The following SFSWAP variants were observed in gnomAD, a reference collection of about 807,000 sequenced individuals.
SFSWAP encodes the protein splicing factor SWAP, also known as splicing factor, suppressor of white-apricot homolog.
In SFSWAP, 17 loss-of-function variants were observed where a neutral mutation model predicts 100.7. That is an observed-to-expected ratio of 0.17 (90% CI 0.12 to 0.25). The LOEUF (loss-of-function observed/expected upper bound fraction) is 0.25. Among genes scored for constraint, SFSWAP ranks in the 10% least tolerant of loss-of-function variants. SFSWAP has a pLI of 1.00. For missense variants in SFSWAP, 1,005 were observed against 1,262.6 expected, an observed-to-expected ratio of 0.80 and a Z score of 3.09; for synonymous variants, 504 against 510.1, an observed-to-expected ratio of 0.99 and a Z score of 0.16.
Position 131,714,035 on chromosome 12 carries a change from A to T in SFSWAP, c.219-36A>T. ...ACACACGCACACCAGTCTAGACGTT[A>T]ATTTCCTTTTATTGACCAGCTTGTT... On this transcript the variant is annotated intron_variant, in intron 1 of 17. Coordinates refer to ENST00000261674, the MANE Select transcript of SFSWAP (RefSeq NM_004592.4). This position sits in a 1 kb window ranked among gnomAD's most constrained non-coding sequence, Gnocchi z 6.0. 5.1e-6 allele frequency: 8 copies of T among 1,579,956 alleles called. No homozygotes were observed. Among genetic ancestry groups the T allele is most frequent in the Non-Finnish European group, 6.9e-6 (8 of 1,152,074 alleles).
chr12:131,758,739 G>A (rs765333690), intron 11 of SFSWAP, among the ~76,000 whole-genome samples: 1 of 152,194 alleles, frequency 6.6e-6, no homozygotes, highest in Non-Finnish European at 1.5e-5. Flanking sequence ...TTGAGTCCAG[G>A]AATTCGAGAC....
chr12:131,728,702 CTTTT>C (rs767892575), intron 7 of SFSWAP, among the ~76,000 whole-genome samples: 4 of 139,112 alleles, frequency 2.9e-5, no homozygotes, highest in Non-Finnish European at 4.7e-5. Context: ...GCCCTTCTTT[CTTTT>C]TTTTTTTTTT....
intron 4 of SFSWAP, among the ~76,000 whole-genome samples, chr12:131,724,945 G>GT (rs1878816137): frequency 6.6e-6 from 1 of 152,184 alleles, no homozygotes; most frequent in South Asian, 2.1e-4. Flanking sequence ...GGGCTGTTTT[G>GT]TAAGAGGGAG....
intron 11 of SFSWAP, chr12:131,757,205 C>G (rs184508614): frequency 6.5e-6 from 1 of 152,896 alleles, no homozygotes; most frequent in Non-Finnish European, 1.5e-5. Context: ...GGGCTCCCCC[C>G]GCGGGAGGGA....
At chr12:131,779,206 A>AGG (rs1566051422) in intron 14 of SFSWAP, among the ~76,000 whole-genome samples, 2 of 148,860 alleles carry the variant, frequency 1.3e-5, no homozygotes, top group South Asian at 2.1e-4. Context: ...AGCGCGGATG[A>AGG]GTGTGTGTGA....
intron 7 of SFSWAP, among the ~76,000 whole-genome samples, chr12:131,737,695 G>A (rs143625903): frequency 5.1e-4 from 77 of 152,098 alleles, no homozygotes; most frequent in African/African-American, 1.8e-3. Flanking sequence ...AATCACCTTA[G>A]GATATACTCA....
intron 9 of SFSWAP, among the ~76,000 whole-genome samples, chr12:131,754,880 G>A (rs1416786554): frequency 6.6e-6 from 1 of 151,988 alleles, no homozygotes; most frequent in Non-Finnish European, 1.5e-5. Context: ...TGATCCACTT[G>A]CCTCAGCCTC....
At chr12:131,765,334 G>A (rs1287208974) in intron 12 of SFSWAP, among the ~76,000 whole-genome samples, 1 of 152,204 alleles carries the variant, frequency 6.6e-6, no homozygotes, top group Non-Finnish European at 1.5e-5. Context: ...CACACATTCA[G>A]ATCAAGCAAC....
chr12:131,753,187 G>A lies in SFSWAP; in HGVS notation c.1146G>A (p.Pro382=), dbSNP rs148130572. ...CGGACGGCACTTACTGCCTGGCGCC[G>A]CCCCCTCCCGGAATCGACGTGACTA... ...MLPDGTYCLA[P]PPPGIDVTTY... The change falls in exon 8 of 18, where the codon CCG becomes CCA. Residue 382 remains proline (P), a synonymous_variant. Coordinates refer to ENST00000261674, the MANE Select transcript of SFSWAP (RefSeq NM_004592.4). 47 of 1,613,960 alleles carry A rather than the reference G, an allele frequency of 2.9e-5. No individual in the cohort carries two copies. Among genetic ancestry groups the A allele is most frequent in the African/African-American group, 2.0e-4 (15 of 74,880 alleles).
At chr12:131,798,322 A>G (rs1422662536) in intron 16 of SFSWAP, among the ~76,000 whole-genome samples, 1 of 152,092 alleles carries the variant, frequency 6.6e-6, no homozygotes, top group East Asian at 1.9e-4. Context: ...TAATAATGAT[A>G]AAATGTACAT....
At chr12:131,768,697 G>A (rs1170699707) in intron 13 of SFSWAP, among the ~76,000 whole-genome samples, 2 of 152,164 alleles carry the variant, frequency 1.3e-5, no homozygotes, top group Non-Finnish European at 2.9e-5. Context: ...TTTCAGGCAA[G>A]GTGGGAACCC....
At position 131,719,091 on chromosome 12, in the gene SFSWAP, T is replaced by G. The variant is rs1878208336; in HGVS notation, c.521-363T>G. Among the ~76,000 whole-genome samples, 3 of 152,130 alleles carry G rather than the reference T, an allele frequency of 2.0e-5. No individual in the cohort carries two copies. The South Asian group carries it at 6.2e-4, about 32-fold the overall frequency. ...CCCGCATATATGGAGGGTCAGCTTCTTTATATATGTGGGTTCAAATGGACC... is the reference window on the plus strand; with the variant it reads ...CCCGCATATATGGAGGGTCAGCTTCGTTATATATGTGGGTTCAAATGGACC... On this transcript the variant is annotated intron_variant, in intron 3 of 17. Transcript: ENST00000261674.
intron 15 of SFSWAP, among the ~76,000 whole-genome samples, chr12:131,790,204 C>G (rs1885151979): frequency 6.6e-6 from 1 of 152,122 alleles, no homozygotes; most frequent in Non-Finnish European, 1.5e-5. Flanking sequence ...TATTATTATT[C>G]TATTAGATGG....
Position 131,795,415 on chromosome 12 carries a change from G to C in SFSWAP, c.2535-1763G>C, listed in dbSNP as rs1885561194. ...GCTCAGTCCCCCCCTGCATATCGGG[G>C]CTGTCCCTACCAGGGCATGCTGTGG... On this transcript the variant is annotated intron_variant, in intron 15 of 17. Transcript: ENST00000261674. Among the ~76,000 whole-genome samples, 2 of 152,214 alleles carry C rather than the reference G, an allele frequency of 1.3e-5. 1 individual carries two copies. The highest frequency in any genetic ancestry group is 4.1e-4 in the South Asian group (2 of 4,828).
intron 7 of SFSWAP, among the ~76,000 whole-genome samples, chr12:131,737,100 T>C (rs1314352565): frequency 6.6e-6 from 1 of 152,218 alleles, no homozygotes; most frequent in African/African-American, 2.4e-5. Context: ...GGAGGACTAA[T>C]GGAGTCCCTC....
rs1490919792 is a variant in SFSWAP, at chr12:131,753,186, C to T, written c.1145C>T (p.Pro382Leu). The change falls in exon 8 of 18, where the codon CCG (proline) becomes CTG (leucine). Residue 382 changes from proline to leucine, a missense_variant. Around this residue, in one of 7 missense-constraint regions of SFSWAP, gnomAD observed 311 missense variants for 317.8 expected, o/e 0.98. Transcript: ENST00000261674. ...MLPDGTYCLA[P>L]PPPGIDVTTY... Reference sequence around the variant, plus strand: ...CCGGACGGCACTTACTGCCTGGCGCCGCCCCCTCCCGGAATCGACGTGACT... The same window carrying T: ...CCGGACGGCACTTACTGCCTGGCGCTGCCCCCTCCCGGAATCGACGTGACT... The T allele has an allele frequency of 3.7e-6, 6 of 1,614,068 alleles. No homozygotes were observed. The highest frequency in any genetic ancestry group is 1.3e-5 in the African/African-American group (1 of 74,916).
At chr12:131,775,797 T>G (rs564553649) in intron 13 of SFSWAP, among the ~76,000 whole-genome samples, 1 of 152,238 alleles carries the variant, frequency 6.6e-6, no homozygotes, top group African/African-American at 2.4e-5. Flanking sequence ...ATGTAAGCAA[T>G]AAAATATTTT....
intron 15 of SFSWAP, chr12:131,796,760 A>C (rs747022371): frequency 3.0e-5 from 5 of 164,886 alleles, no homozygotes; most frequent in Non-Finnish European, 5.2e-5. Context: ...CAGCCTGGAC[A>C]GCAGCACGAG....
chr12:131,799,348 T>A, intron 17 of SFSWAP, 75 bp from the exon 18 acceptor site: 1 of 1,472,490 alleles, frequency 6.8e-7, no homozygotes. Flanking sequence ...CACCAACTCG[T>A]TGATGAATTT....
Sources: allele counts gnomAD v4.1 joint callset (sites outside exome capture counted in the v4.1 genomes callset), GRCh38; gene constraint gnomAD v4.1.1; regional missense constraint gnomAD v4.1.1; non-coding constraint Gnocchi (gnomAD v3.1); transcripts MANE v1.5; gene names NCBI Gene and HGNC (gene_info 2026-07-23, HGNC 2026-07-21).